OR2T27: variants seen among roughly 807,000 people sequenced by gnomAD.
OR2T27 encodes olfactory receptor 2T27.
For missense variants in OR2T27, 152 were observed against 397.2 expected, an observed-to-expected ratio of 0.38 and a Z score of 5.25; for synonymous variants, 51 against 152.9, an observed-to-expected ratio of 0.33 and a Z score of 4.92.
In OR2T27 at chr1:248,649,919, T is replaced by C. The variant is rs1660962395; in HGVS notation, c.*12A>G. On this transcript the variant is annotated 3_prime_UTR_variant, in exon 2 of 2. Transcript: ENST00000460972. ...CCTTCATTTCAAGTCTCTAGCAGCA[T>C]ATGAAATTTCTTTAGAAAGTGGTTA... 6.7e-7 allele frequency: 1 copy of C among 1,486,764 alleles called. No individual in the cohort carries two copies. The highest frequency in any genetic ancestry group is 1.7e-4 in the Middle Eastern group (1 of 5,848). 92.1% of individuals were successfully genotyped at this position (1,486,764 alleles called of 1,614,324 possible). A position where few individuals can be genotyped will look rare whatever the true frequency, so the allele number is the denominator to read the frequency against.
chr1:248,654,962 TCA>T (rs201613030), intron 1 of OR2T27, among the ~76,000 whole-genome samples: 1,307 of 26,092 alleles, frequency 0.05, 119 homozygotes, highest in African/African-American at 0.053. Flanking sequence ...GGCAAGCCAC[TCA>T]CATTCTTTTC....
chr1:248,653,122 A>G (rs1277419487), intron 1 of OR2T27, among the ~76,000 whole-genome samples: 1 of 132,858 alleles, frequency 7.5e-6, no homozygotes, highest in Non-Finnish European at 1.7e-5. Context: ...TATCCTTATC[A>G]GGGCAGCTGT....
chr1:248,650,060 A>G lies in OR2T27; in HGVS notation c.825T>C (p.Ser275=), dbSNP rs1350003429. The change falls in exon 2 of 2, where the codon TCT becomes TCC. Residue 275 remains serine (S), a synonymous_variant. Coordinates refer to ENST00000460972, the MANE Select transcript of OR2T27 (RefSeq NM_001001824.2). ...YHTPEQDKAV[S]AFYTILTPML... is the part of the protein sequence containing the mutation. ...TGGGAGTAAGGATGGTGTAGAAGGC[A>G]GATACAGCTTTGTCCTGCTCAGGGG... 1.7e-5 allele frequency: 27 copies of G among 1,574,496 alleles called. 2 individuals carry two copies. Among genetic ancestry groups the G allele is most frequent in the Non-Finnish European group, 2.3e-5 (26 of 1,155,080 alleles).
Position 248,655,269 on chromosome 1 carries a change from T to G in OR2T27, c.-5+175A>C, listed in dbSNP as rs563908459. ...GTCCATAACTACTAAGAAACGAGATTGAATTATCTAAGATTTATATATTAG... is the reference window on the plus strand; with the variant it reads ...GTCCATAACTACTAAGAAACGAGATGGAATTATCTAAGATTTATATATTAG... On this transcript the variant is annotated intron_variant, in intron 1 of 1. Transcript: ENST00000460972. Among the ~76,000 whole-genome samples, 16 of 128,418 alleles carry G rather than the reference T, an allele frequency of 1.2e-4. 1 individual carries two copies. The highest frequency in any genetic ancestry group is 3.0e-4 in the South Asian group (1 of 3,284). 84.2% of individuals were successfully genotyped at this position (128,418 alleles called of 152,430 possible). A position where few individuals can be genotyped will look rare whatever the true frequency, so the allele number is the denominator to read the frequency against.
At chr1:248,651,600 A>T (rs1236807393) in intron 1 of OR2T27, 1 of 71,036 alleles carries the variant, frequency 1.4e-5, no homozygotes, top group African/African-American at 2.8e-5. Context: ...ACAACTCGTT[A>T]AAGTGTTAGA....
intron 1 of OR2T27, among the ~76,000 whole-genome samples, chr1:248,653,959 AAAT>A (rs1661076947): frequency 1.6e-5 from 1 of 63,134 alleles, no homozygotes. Context: ...TTTTTGAAAA[AAAT>A]ATTTTCCATC....
chr1:248,655,257 AAG>A (rs1187190487), intron 1 of OR2T27, among the ~76,000 whole-genome samples, 185 bp downstream of exon 1: 3 of 125,924 alleles, frequency 2.4e-5, no homozygotes, highest in African/African-American at 7.8e-5. Context: ...CATAACTACT[AAG>A]AAACGAGATT....
chr1:248,655,289 T>C (rs1661093659), intron 1 of OR2T27, among the ~76,000 whole-genome samples, 155 bp downstream of exon 1: 1 of 130,620 alleles, frequency 7.7e-6, no homozygotes, highest in Non-Finnish European at 1.7e-5. Flanking sequence ...AAGATTTATA[T>C]ATTAGTACCA....
At chr1:248,652,221 C>CA (rs1336366268) in intron 1 of OR2T27, among the ~76,000 whole-genome samples, 2 of 151,694 alleles carry the variant, frequency 1.3e-5, no homozygotes, top group Non-Finnish European at 2.9e-5. Flanking sequence ...TATATGCATT[C>CA]ACCCTCAAAT....
At chr1:248,652,812 C>G (rs1405470444) in intron 1 of OR2T27, among the ~76,000 whole-genome samples, 1 of 149,518 alleles carries the variant, frequency 6.7e-6, no homozygotes, top group Non-Finnish European at 1.5e-5. Context: ...ATATTACCAG[C>G]TTTATGCCAG....
intron 1 of OR2T27, among the ~76,000 whole-genome samples, chr1:248,653,228 T>G (rs2103116788): frequency 7.1e-6 from 1 of 141,818 alleles, no homozygotes; most frequent in African/African-American, 2.5e-5. Context: ...AAAGGGGAGA[T>G]ATGAGTGGCT....
intron 1 of OR2T27, chr1:248,651,528 C>A (rs1229898919): frequency 3.1e-5 from 2 of 64,686 alleles, no homozygotes; most frequent in African/African-American, 5.9e-5. Context: ...TGGGAGAAAA[C>A]GTTGAGGGTC....
chr1:248,650,475 C>T lies in OR2T27; in HGVS notation c.410G>A (p.Ser137Asn), dbSNP rs1404142231. ...CACAATCAACCAGCAGATCTTGCGG[C>T]TCATGAGGACAGGATAGTGCAGAGG... ...CNPLHYPVLM[S>N]RKICWLIVAA... The change falls in exon 2 of 2, where the codon AGC becomes AAC. Residue 137 changes from serine (S) to asparagine (N), a missense_variant. By Grantham distance (46) the Ser-to-Asn change is conservative. Transcript: ENST00000460972. The T allele has an allele frequency of 6.4e-7, 1 of 1,557,364 alleles. No individual in the cohort carries two copies. Among genetic ancestry groups the T allele is most frequent in the Middle Eastern group, 1.7e-4 (1 of 5,832 alleles).
intron 1 of OR2T27, among the ~76,000 whole-genome samples, chr1:248,653,452 T>TGTG (rs2103116938): frequency 7.1e-6 from 1 of 139,914 alleles, no homozygotes; most frequent in Admixed American, 7.3e-5. Flanking sequence ...AATTAGCACA[T>TGTG]CTTTCCCAGT....
chr1:248,653,366 ATG>A (rs1661059915), intron 1 of OR2T27, among the ~76,000 whole-genome samples: 1 of 133,368 alleles, frequency 7.5e-6, no homozygotes, highest in Non-Finnish European at 1.7e-5. Flanking sequence ...CAACTGGATT[ATG>A]CCATGCCCCA....
Position 248,652,422 on chromosome 1 carries a change from T to TC in OR2T27, c.-4-1535dup, listed in dbSNP as rs1032771458. ...CAGGACAAAGTAGACATCAATTCAT[T>TC]CCATAAATATTTCTCAAGAGGCACA... On this transcript the variant is annotated intron_variant, in intron 1 of 1. Coordinates refer to ENST00000460972, the MANE Select transcript of OR2T27 (RefSeq NM_001001824.2). Among the ~76,000 whole-genome samples the TC allele has an allele frequency of 3.0e-4, 45 of 149,044 alleles. 1 individual carries two copies. Among genetic ancestry groups the TC allele is most frequent in the African/African-American group, 1.1e-3 (44 of 41,102 alleles).
At chr1:248,652,386 C>T (rs191665475) in intron 1 of OR2T27, among the ~76,000 whole-genome samples, 46 of 149,514 alleles carry the variant, frequency 3.1e-4, no homozygotes, top group African/African-American at 1.0e-3. Context: ...TTGTTCTATG[C>T]TGTTTTCCAA....
At chr1:248,653,297 T>C (rs1177141312) in intron 1 of OR2T27, among the ~76,000 whole-genome samples, 5 of 78,066 alleles carry the variant, frequency 6.4e-5, no homozygotes, top group African/African-American at 1.4e-4. Flanking sequence ...ATTCATTCAC[T>C]GTATTTTAAG....
intron 1 of OR2T27, among the ~76,000 whole-genome samples, chr1:248,652,085 T>A (rs1306938714): frequency 1.3e-5 from 2 of 152,252 alleles, no homozygotes; most frequent in Admixed American, 6.5e-5. Flanking sequence ...TCTAGAGTTA[T>A]CCCTGAGAAT....
Sources: allele counts gnomAD v4.1 joint callset (sites outside exome capture counted in the v4.1 genomes callset), GRCh38; gene constraint gnomAD v4.1.1; transcripts MANE v1.5; gene names NCBI Gene and HGNC (gene_info 2026-07-23, HGNC 2026-07-21).